The following ATP7A variants were observed in gnomAD, a reference collection of about 807,000 sequenced individuals.
ATP7A encodes the protein ATPase copper transporting alpha.
ATP7A carries 7 observed loss-of-function variants against 83.5 expected under a neutral mutation model. That is an observed-to-expected ratio of 0.08 (90% CI 0.05 to 0.16). ATP7A has a LOEUF of 0.16. Ranked by LOEUF, ATP7A falls within the 10% of genes least tolerant of loss-of-function variation. The pLI, the probability that ATP7A is intolerant of heterozygous loss-of-function variation, is 1.00. For synonymous variants in ATP7A, 354 were observed against 395.2 expected (o/e 0.90, Z 1.24); for missense variants, 940 against 1,120.8 (o/e 0.84, Z 2.30).
chrX:78,010,438 C>A (rs2077811477), intron 7 of ATP7A, among the ~76,000 whole-genome samples: 1 of 111,352 alleles, frequency 9.0e-6, no homozygotes, highest in African/African-American at 3.3e-5. Context: ...ATAAGTCTTG[C>A]TTAGGGGTAG....
chrX:78,007,560 C>T (rs1327420277), intron 6 of ATP7A, among the ~76,000 whole-genome samples: 10 of 111,699 alleles, frequency 9.0e-5, no homozygotes, highest in African/African-American at 2.9e-4. Flanking sequence ...CTCCTGACCT[C>T]GTGATCCGCC....
intron 1 of ATP7A, among the ~76,000 whole-genome samples, chrX:77,930,033 T>C (rs2077263232): frequency 9.0e-6 from 1 of 111,625 alleles, no homozygotes; most frequent in African/African-American, 3.3e-5. Flanking sequence ...ATTTAATATA[T>C]TTTTGGAAGA....
In ATP7A at chrX:77,925,918, C is replaced by CTTTT. The variant is rs35626877; in HGVS notation, c.-22+15093_-22+15096dup. Among the ~76,000 whole-genome samples, 16 of 99,901 alleles carry CTTTT rather than the reference C, an allele frequency of 1.6e-4. 1 individual carries two copies. Among genetic ancestry groups the CTTTT allele is most frequent in the African/African-American group, 4.4e-4 (12 of 27,432 alleles). The allele number at this position is 99,901 out of a possible 115,157, so 86.8% of individuals were successfully genotyped here. ...TATGCATTTGCAGAAAGTAATAAGG[C>CTTTT]TTTTTTTTTTTTTAACGCCATAAAG... is the stretch of plus-strand genomic sequence containing the variant. On this transcript the variant is annotated intron_variant, in intron 1 of 22. Transcript: ENST00000341514.
intron 6 of ATP7A, among the ~76,000 whole-genome samples, chrX:78,005,683 C>CAAAAAAAAAAAAAAAAAAAAAAAAAAA (rs1218646073): frequency 2.9e-4 from 4 of 13,698 alleles, no homozygotes; most frequent in Non-Finnish European, 3.7e-4. Flanking sequence ...AACTCCATCT[C>CAAAAAAAAAAAAAAAAAAAAAAAAAAA]AAAAAAAAAA....
intron 2 of ATP7A, among the ~76,000 whole-genome samples, chrX:77,978,881 G>A (rs987338385): frequency 1.8e-5 from 2 of 111,195 alleles, no homozygotes; most frequent in Non-Finnish European, 3.8e-5. Context: ...ATCTGTACTG[G>A]AATGCGATGG....
intron 1 of ATP7A, among the ~76,000 whole-genome samples, chrX:77,928,419 CA>C: frequency 9.0e-6 from 1 of 111,255 alleles, no homozygotes; most frequent in Non-Finnish European, 1.9e-5. Flanking sequence ...CACACACACA[CA>C]CTCATATATA....
intron 1 of ATP7A, among the ~76,000 whole-genome samples, chrX:77,916,057 T>C (rs1395584366): frequency 2.7e-5 from 3 of 110,969 alleles, no homozygotes; most frequent in African/African-American, 9.8e-5. Context: ...AATTTCTAAC[T>C]TACACCATAG....
intron 19 of ATP7A, 24 bp from the exon 20 acceptor site, chrX:78,042,561 A>AT: frequency 8.4e-7 from 1 of 1,195,024 alleles, no homozygotes; most frequent in Non-Finnish European, 1.1e-6. Context: ...TTTTAAATGA[A>AT]TTGAGTTTAT....
At chrX:77,998,130 G>A (rs1362374520) in intron 4 of ATP7A, among the ~76,000 whole-genome samples, 5 of 111,349 alleles carry the variant, frequency 4.5e-5, no homozygotes, top group African/African-American at 1.6e-4. Flanking sequence ...TTTGATGCCA[G>A]TATGCCAATC....
chrX:77,916,509 T>TC (rs1305414640), intron 1 of ATP7A, among the ~76,000 whole-genome samples: 16 of 111,169 alleles, frequency 1.4e-4, no homozygotes, highest in African/African-American at 4.6e-4. Flanking sequence ...GATGTGCTCA[T>TC]CCTATTTCCC....
intron 1 of ATP7A, among the ~76,000 whole-genome samples, chrX:77,918,077 T>C (rs1557222732): frequency 9.2e-6 from 1 of 108,139 alleles, no homozygotes; most frequent in Non-Finnish European, 1.9e-5. Flanking sequence ...TTTTTTTTTT[T>C]TTTTTTTGAG....
Position 78,013,094 on chromosome X carries a change from G to C in ATP7A, c.2388G>C (p.Trp796Cys). ...MLFVFIALGR[W>C]LEHIAKGKTS... ...TTGTGTTTATTGCACTAGGCCGATG[G>C]CTGGAACATATAGCAAAGGTAAAGT... is the stretch of plus-strand genomic sequence containing the variant. Residue 796 changes from tryptophan (W) to cysteine (C), a missense_variant, in exon 10 of 23, where the codon TGG becomes TGC. By Grantham distance (215) the Trp-to-Cys change is radical (BLOSUM62 -2). This residue lies in a region of ATP7A where 204 missense variants were observed against 185.8 expected (regional missense o/e 1.10). Transcript: ENST00000341514. 8.3e-7 allele frequency: 1 copy of C among 1,206,730 alleles called. No individual in the cohort carries two copies.
chrX:77,931,859 C>G (rs374618167), intron 1 of ATP7A, among the ~76,000 whole-genome samples: 1 of 97,137 alleles, frequency 1.0e-5, no homozygotes. Flanking sequence ...GGCGGCTGGC[C>G]GGGCAGAGGG....
intron 2 of ATP7A, among the ~76,000 whole-genome samples, chrX:77,972,477 G>A (rs1415637194): frequency 9.0e-6 from 1 of 111,248 alleles, no homozygotes; most frequent in African/African-American, 3.3e-5. Flanking sequence ...TCAGCCTTCC[G>A]AGTAGCTGGG....
intron 1 of ATP7A, among the ~76,000 whole-genome samples, chrX:77,931,221 G>A (rs185693966): frequency 1.1e-3 from 120 of 107,925 alleles, no homozygotes; most frequent in African/African-American, 4.0e-3. Flanking sequence ...GATTGTTAAC[G>A]AGCATGCTGC....
intron 1 of ATP7A, among the ~76,000 whole-genome samples, chrX:77,958,648 A>G (rs1314777521): frequency 2.7e-5 from 3 of 110,665 alleles, no homozygotes; most frequent in East Asian, 2.8e-4. Context: ...TGATATTTTT[A>G]TAGGGATTGC....
chrX:78,011,782 C>A, intron 9 of ATP7A, 108 bp downstream of exon 9: 2 of 729,573 alleles, frequency 2.7e-6, no homozygotes, highest in South Asian at 4.2e-5. Flanking sequence ...GAAGTCTGAT[C>A]ATTTTATGCC....
intron 6 of ATP7A, among the ~76,000 whole-genome samples, chrX:78,007,447 TA>T (rs2077784076): frequency 3.6e-5 from 4 of 111,445 alleles, no homozygotes; most frequent in Non-Finnish European, 7.5e-5. Flanking sequence ...TGCCTCAGCC[TA>T]CCGAGTAGCT....
intron 21 of ATP7A, among the ~76,000 whole-genome samples, chrX:78,044,525 A>G (rs1433159843): frequency 9.0e-6 from 1 of 111,448 alleles, no homozygotes; most frequent in African/African-American, 3.3e-5. Flanking sequence ...TTATACAAGT[A>G]TTTTCCTCTA....
Sources: gnomAD v4.1 joint callset for allele counts (sites outside exome capture counted in the v4.1 genomes callset) on GRCh38, gnomAD v4.1.1 for gene constraint, gnomAD v4.1.1 regional missense constraint, MANE v1.5 for transcripts, NCBI Gene and HGNC (gene_info 2026-07-23, HGNC 2026-07-21) for gene names.